The following MYOM3 variants were observed in gnomAD, a reference collection of about 807,000 sequenced individuals.
The protein encoded by MYOM3 is myomesin 3.
A neutral mutation model predicts 191.7 loss-of-function variants in MYOM3; 155 were observed. The ratio of observed to expected loss-of-function variants is 0.81; its 90% CI spans 0.71 to 0.92. The LOEUF is 0.92. Among genes scored for constraint, MYOM3 ranks in the 40% least tolerant of loss-of-function variants. The pLI is 0.00. For synonymous variants in MYOM3, 757 were observed against 762.9 expected, an observed-to-expected ratio of 0.99 and a Z score of 0.13; for missense variants, 1,889 against 1,890.6, an observed-to-expected ratio of 1.00 and a Z score of 0.02.
chr1:24,066,707 CA>C, intron 28 of MYOM3: 1 of 409,758 alleles, frequency 2.4e-6, no homozygotes, highest in East Asian at 4.0e-5. Context: ...ATCATAAACA[CA>C]GGGATACCCC....
At chr1:24,091,976 C>T (rs1411023411) in intron 11 of MYOM3, among the ~76,000 whole-genome samples, 198 bp downstream of exon 11, 3 of 152,218 alleles carry the variant, frequency 2.0e-5, no homozygotes, top group African/African-American at 7.2e-5. Context: ...CAGTTATCAG[C>T]ATGACAAAGA....
rs149105212 is a variant in MYOM3, at chr1:24,106,049, T to A, written c.431A>T (p.Glu144Val). 2.5e-3 allele frequency: 4,103 copies of A among 1,613,158 alleles called. 98 individuals are homozygous for A. In the South Asian group the frequency reaches 0.03, roughly 12 times the overall value. ...GCGGCCGTAGCACAGCTCCCTCAGC[T>A]CCTTGGCCTCCTGGACCTTCTCCTC... The part of the protein sequence containing the change: ...RTEEKVQEAK[E>V]LRELCYGRGP... The change falls in exon 5 of 37, where the codon GAG (glutamate) becomes GTG (valine). Residue 144 changes from glutamate to valine, a missense_variant. By Grantham distance (121) the Glu-to-Val change is moderately radical (BLOSUM62 -2). Coordinates refer to ENST00000374434, the MANE Select transcript of MYOM3 (RefSeq NM_152372.4).
chr1:24,069,112 C>T (rs114088811), intron 25 of MYOM3, among the ~76,000 whole-genome samples: 1 of 152,148 alleles, frequency 6.6e-6, no homozygotes, highest in South Asian at 2.1e-4. Context: ...TACTTGCTAC[C>T]CAGAATTAAC....
At chr1:24,110,457 T>C (rs538528457) in intron 1 of MYOM3, among the ~76,000 whole-genome samples, 3 of 152,244 alleles carry the variant, frequency 2.0e-5, no homozygotes, top group African/African-American at 7.2e-5. Flanking sequence ...GTCCATGGCA[T>C]GGAAGGTGAG....
chr1:24,108,389 C>T lies in MYOM3; in HGVS notation c.161+87G>A, dbSNP rs904966274. On this transcript the variant is annotated intron_variant, in intron 2 of 36. Coordinates refer to ENST00000374434, the MANE Select transcript of MYOM3 (RefSeq NM_152372.4). ...GTCCCTCCCCCCATCAGGTTGGAGC[C>T]TCCAGAGGGCTAGGCTGGGCCTCCC... The T allele has an allele frequency of 2.2e-6, 3 of 1,366,510 alleles. No individual in the cohort carries two copies. The African/African-American group carries it at 4.4e-5, about 20-fold the overall frequency. 84.6% of individuals were successfully genotyped at this position (1,366,510 alleles called of 1,614,324 possible). A position where few individuals can be genotyped will look rare whatever the true frequency, so the allele number is the denominator to read the frequency against.
chr1:24,074,320 G>T, intron 22 of MYOM3, 51 bp from the exon 23 acceptor site: 1 of 1,408,780 alleles, frequency 7.1e-7, no homozygotes, highest in Non-Finnish European at 9.9e-7. Context: ...TTGGTCCTGT[G>T]CACTAGAGGC....
intron 28 of MYOM3, chr1:24,066,345 C>A: frequency 1.5e-6 from 1 of 652,278 alleles, no homozygotes; most frequent in South Asian, 1.8e-5. Context: ...AATGGTCCTG[C>A]CTTGAACATG....
intron 25 of MYOM3, among the ~76,000 whole-genome samples, chr1:24,069,653 AGGCT>A (rs1643499085): frequency 7.0e-6 from 1 of 141,974 alleles, no homozygotes; most frequent in African/African-American, 2.6e-5. Flanking sequence ...TTTATTGCCC[AGGCT>A]GGAGTACAGT....
In MYOM3 at chr1:24,087,424, C is replaced by T. The variant is rs1458319490; in HGVS notation, c.1615-597G>A. Among the ~76,000 whole-genome samples the T allele has an allele frequency of 6.6e-6, 1 of 152,158 alleles. No individual in the cohort carries two copies. Among genetic ancestry groups the T allele is most frequent in the African/African-American group, 2.4e-5 (1 of 41,428 alleles). Reference sequence around the variant, plus strand: ...CTGCCCAGAACCCTCCCACGTCCCGCATCTCCCTCAGAGCAAAAGCTTCCC... The same window carrying T: ...CTGCCCAGAACCCTCCCACGTCCCGTATCTCCCTCAGAGCAAAAGCTTCCC... On this transcript the variant is annotated intron_variant, in intron 14 of 36. Transcript: ENST00000374434. This position sits in a 1 kb window ranked among gnomAD's most constrained non-coding sequence, Gnocchi z 4.5.
At chr1:24,089,009 C>A (rs960258906) in intron 14 of MYOM3, among the ~76,000 whole-genome samples, 2 of 152,200 alleles carry the variant, frequency 1.3e-5, no homozygotes, top group Non-Finnish European at 2.9e-5. Flanking sequence ...ATACTGCCCC[C>A]CCTCCACTGT....
intron 23 of MYOM3, 60 bp downstream of exon 23, chr1:24,074,100 G>T: frequency 1.5e-6 from 2 of 1,377,342 alleles, no homozygotes; most frequent in Non-Finnish European, 2.1e-6. Context: ...ACCTGTGTGG[G>T]CATTTGTGTT....
rs1475581303 is a variant in MYOM3, at chr1:24,071,135, CTTG to C, written c.3129_3131del (p.Asn1043del). The C allele has an allele frequency of 2.5e-6, 4 of 1,613,786 alleles. No homozygotes were observed. Among genetic ancestry groups the C allele is most frequent in the East Asian group, 2.2e-5 (1 of 44,854 alleles). ...CAATTACCGGCGAGCTGAAGATCTC[CTTG>C]TTGTTGAAGATTAGATGTAGCTCAG... On this transcript the variant is annotated inframe_deletion, in exon 25 of 37. Transcript: ENST00000374434.
Position 24,081,122 on chromosome 1 carries a change from C to T in MYOM3, c.2407+208G>A, listed in dbSNP as rs533284465. 1.8e-4 allele frequency among the ~76,000 whole-genome samples: 27 copies of T among 152,312 alleles called. No homozygotes were observed. The South Asian group carries it at 5.4e-3, about 30-fold the overall frequency. Reference sequence around the variant, plus strand: ...TGGGGATACAGGGCCAGTTGATGGCCCAGGTCAGGGGTCCTTTAAGACAGG... The same window carrying T: ...TGGGGATACAGGGCCAGTTGATGGCTCAGGTCAGGGGTCCTTTAAGACAGG... On this transcript the variant is annotated intron_variant, in intron 19 of 36. Coordinates refer to ENST00000374434, the MANE Select transcript of MYOM3 (RefSeq NM_152372.4).
chr1:24,100,366 T>C (rs1423236081), intron 5 of MYOM3, among the ~76,000 whole-genome samples: 1 of 152,302 alleles, frequency 6.6e-6, no homozygotes, highest in Non-Finnish European at 1.5e-5. Flanking sequence ...AAGGGTTTAT[T>C]TCCCTTCTGG....
chr1:24,109,945 G>C (rs60004232), intron 1 of MYOM3, among the ~76,000 whole-genome samples: 3 of 152,260 alleles, frequency 2.0e-5, no homozygotes, highest in Admixed American at 1.3e-4. Flanking sequence ...GTCTAGGCCC[G>C]TGATGGCGCC....
Position 24,089,553 on chromosome 1 carries a change from C to CTCTCCCTGGA in MYOM3, c.1598_1599insTCCAGGGAGA (p.Tyr534ProfsTer13). On this transcript the variant is annotated frameshift_variant, in exon 14 of 37. Coordinates refer to ENST00000374434, the MANE Select transcript of MYOM3 (RefSeq NM_152372.4). LOFTEE classifies it high-confidence loss of function. Reference sequence around the variant, plus strand: ...GGTTCCCTACCTTCTCCAGGGAGTACGTCAGTGGTGCTCTGTCCCGGGGGC... The same window carrying CTCTCCCTGGA: ...GGTTCCCTACCTTCTCCAGGGAGTACTCTCCCTGGAGTCAGTGGTGCTCTGTCCCGGGGGC... The CTCTCCCTGGA allele has an allele frequency of 6.2e-7, 1 of 1,602,244 alleles. No homozygotes were observed. The highest frequency in any genetic ancestry group is 1.1e-5 in the South Asian group (1 of 88,564).
rs192306602 is a variant in MYOM3, at chr1:24,090,937, C to T, written c.1292G>A (p.Arg431Gln). ...ACHEAPGGTCRCPIQGLVEGQ... is the reference protein window; with the variant it reads ...ACHEAPGGTCQCPIQGLVEGQ... Reference sequence around the variant, plus strand: ...TTCGACGAGGCCTTGGATTGGGCACCGACAAGTCCCTCCGGGGGCCTCATG... The same window carrying T: ...TTCGACGAGGCCTTGGATTGGGCACTGACAAGTCCCTCCGGGGGCCTCATG... The change falls in exon 12 of 37, where the codon CGG becomes CAG. Residue 431 changes from arginine to glutamine, a missense_variant. Coordinates refer to ENST00000374434, the MANE Select transcript of MYOM3 (RefSeq NM_152372.4). 5.7e-4 allele frequency: 912 copies of T among 1,614,104 alleles called. 2 individuals are homozygous for T. Among genetic ancestry groups the T allele is most frequent in the Middle Eastern group, 8.2e-4 (5 of 6,062 alleles).
At chr1:24,099,828 T>G (rs1341196850) in intron 5 of MYOM3, 53 bp from the exon 6 acceptor site, 2 of 1,311,434 alleles carry the variant, frequency 1.5e-6, no homozygotes, top group Non-Finnish European at 2.2e-6. Flanking sequence ...GCGGGAGGGG[T>G]CTGGAGCCTC....
intron 25 of MYOM3, among the ~76,000 whole-genome samples, chr1:24,069,720 G>A (rs551512168): frequency 4.6e-4 from 69 of 150,688 alleles, no homozygotes; most frequent in African/African-American, 1.6e-3. Context: ...AGCGATTCTC[G>A]TGCCTCAGCC....
Sources: gnomAD v4.1 joint callset for allele counts (sites outside exome capture counted in the v4.1 genomes callset) on GRCh38, gnomAD v4.1.1 for gene constraint, Gnocchi (gnomAD v3.1) non-coding constraint, MANE v1.5 for transcripts, NCBI Gene and HGNC (gene_info 2026-07-23, HGNC 2026-07-21) for gene names.